The following CARMIL1 variants were observed in gnomAD, a reference collection of about 807,000 sequenced individuals.
The protein encoded by CARMIL1 is F-actin-uncapping protein LRRC16A.
In CARMIL1, 90 loss-of-function variants were observed where a neutral mutation model predicts 177.1. The observed-to-expected ratio is 0.51, with a 90% CI of 0.43 to 0.61. The LOEUF is 0.61. CARMIL1 is among the 20% of genes least tolerant of loss of function. The pLI, the probability that CARMIL1 is intolerant of heterozygous loss-of-function variation, is 0.00. For missense variants in CARMIL1, 1,380 were observed against 1,667.0 expected, an observed-to-expected ratio of 0.83 and a Z score of 3.00; for synonymous variants, 577 against 606.2, an observed-to-expected ratio of 0.95 and a Z score of 0.71.
intron 29 of CARMIL1, 31 bp downstream of exon 29, chr6:25,556,881 C>G: frequency 6.2e-7 from 1 of 1,603,236 alleles, no homozygotes; most frequent in Non-Finnish European, 8.5e-7. Flanking sequence ...GTACCGTTAC[C>G]CTTTTCACTG....
intron 2 of CARMIL1, among the ~76,000 whole-genome samples, chr6:25,371,669 G>C (rs553699000): frequency 2.6e-5 from 4 of 152,168 alleles, no homozygotes; most frequent in African/African-American, 4.8e-5. Flanking sequence ...TTAGTTCTTT[G>C]TAGGATGCAT....
chr6:25,460,438 G>A (rs912619838), intron 8 of CARMIL1, among the ~76,000 whole-genome samples: 70 of 152,134 alleles, frequency 4.6e-4, no homozygotes, highest in Non-Finnish European at 4.1e-4. Flanking sequence ...GAGTCTCCCT[G>A]ATCCTTGGTC....
rs1796290641 is a variant in CARMIL1, at chr6:25,426,498, C to T, written c.190-3C>T. On this transcript the variant is annotated splice_region_variant and splice_polypyrimidine_tract_variant and intron_variant, in intron 3 of 36. Transcript: ENST00000329474. The stretch of plus-strand genomic sequence containing the variant: ...TTCTTTCCTCCTTTCCCCTCAATTG[C>T]AGCTCGAGTTAACCTTCAGCTACTT... 6.2e-7 allele frequency: 1 copy of T among 1,609,850 alleles called. No homozygotes were observed. The highest frequency in any genetic ancestry group is 8.5e-7 in the Non-Finnish European group (1 of 1,177,566).
intron 5 of CARMIL1, among the ~76,000 whole-genome samples, chr6:25,444,391 A>G (rs1298783377): frequency 1.3e-5 from 2 of 150,838 alleles, no homozygotes; most frequent in Non-Finnish European, 3.0e-5. Context: ...TTTTTAAATT[A>G]TATTTTAAGT....
intron 36 of CARMIL1, among the ~76,000 whole-genome samples, chr6:25,614,157 G>C (rs995516201): frequency 2.6e-5 from 4 of 152,146 alleles, no homozygotes; most frequent in Non-Finnish European, 1.5e-5. Flanking sequence ...TGCCTGCCAG[G>C]GACAACGTTT....
intron 2 of CARMIL1, among the ~76,000 whole-genome samples, chr6:25,336,011 A>G (rs116423930): frequency 0.026 from 3,903 of 150,524 alleles, 143 homozygotes; most frequent in African/African-American, 0.082. Context: ...TCTCTCGGCC[A>G]TTTGACTACT....
chr6:25,340,168 G>A (rs1205719924), intron 2 of CARMIL1, among the ~76,000 whole-genome samples: 1 of 146,660 alleles, frequency 6.8e-6, no homozygotes, highest in Non-Finnish European at 1.5e-5. Context: ...ATTTGATTGA[G>A]CATCTGAATC....
At chr6:25,295,099 T>G (rs1360219990) in intron 2 of CARMIL1, among the ~76,000 whole-genome samples, 1 of 152,190 alleles carries the variant, frequency 6.6e-6, no homozygotes, top group Non-Finnish European at 1.5e-5. Flanking sequence ...TTTGCATTAC[T>G]AAAACAATAA....
chr6:25,394,538 T>C (rs1280020424), intron 2 of CARMIL1, among the ~76,000 whole-genome samples: 1 of 152,212 alleles, frequency 6.6e-6, no homozygotes, highest in Non-Finnish European at 1.5e-5. Flanking sequence ...GAAAAATAAC[T>C]ACTGCAGCTC....
At chr6:25,385,588 T>G (rs985293926) in intron 2 of CARMIL1, among the ~76,000 whole-genome samples, 4 of 152,206 alleles carry the variant, frequency 2.6e-5, no homozygotes, top group Non-Finnish European at 4.4e-5. Context: ...AGATAAATAG[T>G]AGTAGCTTTT....
rs547328028 is a variant in CARMIL1 at position 25,506,639 on chromosome 6, G to A, written c.1396-3017G>A. Among the ~76,000 whole-genome samples, 6 of 152,296 alleles carry A rather than the reference G, an allele frequency of 3.9e-5. No individual in the cohort carries two copies. The South Asian group carries it at 1.2e-3, about 32-fold the overall frequency. ...ATTTGGCATCAAATCCTGCTAGAAAGTAGACATTATGAACTGGATGTTGTC... is the reference window on the plus strand; with the variant it reads ...ATTTGGCATCAAATCCTGCTAGAAAATAGACATTATGAACTGGATGTTGTC... On this transcript the variant is annotated intron_variant, in intron 17 of 36. Transcript: ENST00000329474.
chr6:25,540,210 A>G (rs763598031), intron 26 of CARMIL1, 132 bp downstream of exon 26: 13 of 811,468 alleles, frequency 1.6e-5, no homozygotes, highest in Non-Finnish European at 2.2e-5. Context: ...TAAAAATTGA[A>G]TACTGTGTCT....
chr6:25,494,568 G>A (rs9393647), intron 15 of CARMIL1, among the ~76,000 whole-genome samples: 16,814 of 152,142 alleles, frequency 0.11, 1,231 homozygotes, highest in East Asian at 0.28. Flanking sequence ...TCTAATAGTT[G>A]GCCTGAAATG....
intron 16 of CARMIL1, among the ~76,000 whole-genome samples, chr6:25,495,892 C>T (rs1194000112): frequency 6.6e-6 from 1 of 152,058 alleles, no homozygotes; most frequent in Admixed American, 6.5e-5. Context: ...GGGTCAAATT[C>T]TCTTTGAGTC....
At chr6:25,449,056 A>G (rs1473368411) in intron 5 of CARMIL1, among the ~76,000 whole-genome samples, 1 of 151,492 alleles carries the variant, frequency 6.6e-6, no homozygotes, top group Non-Finnish European at 1.5e-5. Flanking sequence ...ACATACTACC[A>G]CACCTGGCTA....
chr6:25,573,287 A>C (rs1812270219), intron 29 of CARMIL1, among the ~76,000 whole-genome samples: 1 of 152,168 alleles, frequency 6.6e-6, no homozygotes, highest in Non-Finnish European at 1.5e-5. Context: ...TCTGCTGTCT[A>C]TTACATGAAA....
At position 25,452,304 on chromosome 6, in the gene CARMIL1, A is replaced by G. The variant is rs189274041; in HGVS notation, c.614+1593A>G. The stretch of plus-strand genomic sequence containing the variant: ...CTTTATACTTTCAAATTTAGACAAG[A>G]TGTTTCCTGTGTAGCTCATAAAAAA... On this transcript the variant is annotated intron_variant, in intron 8 of 36. Transcript: ENST00000329474. 1.7e-3 allele frequency: 1,253 copies of G among 748,400 alleles called. 2 individuals are homozygous for G. The highest frequency in any genetic ancestry group is 3.3e-3 in the Middle Eastern group (9 of 2,730). 46.4% of individuals were successfully genotyped at this position (748,400 alleles called of 1,614,324 possible).
At chr6:25,519,522 A>G (rs1367344276) in intron 22 of CARMIL1, among the ~76,000 whole-genome samples, 6 of 152,206 alleles carry the variant, frequency 3.9e-5, no homozygotes, top group Non-Finnish European at 7.3e-5. Context: ...GTTTGTGTTT[A>G]ATAGGCCTGC....
chr6:25,434,446 T>A (rs751638905), intron 4 of CARMIL1, among the ~76,000 whole-genome samples: 47 of 151,694 alleles, frequency 3.1e-4, no homozygotes, highest in Non-Finnish European at 6.5e-4. Context: ...ACACTAAACC[T>A]AACACCAAAC....
Sources: allele counts gnomAD v4.1 joint callset (sites outside exome capture counted in the v4.1 genomes callset), GRCh38; gene constraint gnomAD v4.1.1; transcripts MANE v1.5; gene names NCBI Gene and HGNC (gene_info 2026-07-23, HGNC 2026-07-21).